FAAP20: variants seen among roughly 807,000 people sequenced by gnomAD.
The protein encoded by FAAP20 is FA core complex associated protein 20.
A neutral mutation model predicts 16.2 loss-of-function variants in FAAP20; 12 were observed. That is an observed-to-expected ratio of 0.74 (90% CI 0.48 to 1.20). The LOEUF (loss-of-function observed/expected upper bound fraction) is 1.20, where lower values mean the gene tolerates loss of function less well. Ranked by LOEUF, FAAP20 falls within the 50% of genes most tolerant of loss-of-function variation. FAAP20 has a pLI of 0.00. For synonymous variants in FAAP20, 141 were observed against 110.7 expected (o/e 1.27, Z -1.72); for missense variants, 288 against 245.8 (o/e 1.17, Z -1.15).
At chr1:2,199,111 C>T (rs1182776768), upstream of FAAP20, 2 of 1,188,098 alleles carry the variant, frequency 1.7e-6, no homozygotes, top group African/African-American at 1.6e-5. The surrounding 1 kb of genome is among the most constrained non-coding windows in gnomAD (Gnocchi z 4.5). Flanking sequence ...CCAGGAGCAG[C>T]TGGGGAGGGC....
At chr1:2,184,865 C>T (rs1687333940), downstream of FAAP20, 1 of 1,498,690 alleles carries the variant, frequency 6.7e-7, no homozygotes. Context: ...GACTCCGCTT[C>T]CCCCAAGGGA....
At chr1:2,195,721 G>A (rs1411312618), upstream of FAAP20, among the ~76,000 whole-genome samples, 4 of 152,202 alleles carry the variant, frequency 2.6e-5, no homozygotes, top group African/African-American at 4.8e-5. Flanking sequence ...CAGGCCACCC[G>A]AGTGGCCCAC....
chr1:2,186,051 A>G (rs1339225698), downstream of FAAP20: 2 of 453,048 alleles, frequency 4.4e-6, no homozygotes, highest in South Asian at 3.1e-5. Context: ...TCCTAGAGGC[A>G]GGGCTGCCAG....
At chr1:2,195,030 T>G (rs1445632508), upstream of FAAP20, among the ~76,000 whole-genome samples, 1 of 150,316 alleles carries the variant, frequency 6.7e-6, no homozygotes, top group Non-Finnish European at 1.5e-5. Flanking sequence ...CGGAGCCCCC[T>G]CCGTTACCCC....
chr1:2,209,889 C>T (rs1204815244), downstream of FAAP20, among the ~76,000 whole-genome samples: 7 of 152,220 alleles, frequency 4.6e-5, no homozygotes, highest in African/African-American at 1.2e-4. Flanking sequence ...CTTCAGTGGA[C>T]GCACATCCCT....
downstream of FAAP20, chr1:2,185,136 C>T (rs948729502): frequency 2.8e-5 from 26 of 930,864 alleles, 1 homozygote; most frequent in Middle Eastern, 2.2e-4. Flanking sequence ...GCGCCGAGAC[C>T]GCAGAGGGAA....
chr1:2,188,023 G>C (rs1687771540), downstream of FAAP20, among the ~76,000 whole-genome samples: 1 of 152,224 alleles, frequency 6.6e-6, no homozygotes, highest in Non-Finnish European at 1.5e-5. Flanking sequence ...CTTTCCCTTA[G>C]TGATCTGCAT....
At chr1:2,190,485 C>A in intron 3 of FAAP20, 1 of 444,480 alleles carries the variant, frequency 2.2e-6, no homozygotes, top group Non-Finnish European at 4.6e-6. Context: ...CCTTCTATCC[C>A]CGGCCTCATG....
chr1:2,199,471 CT>C (rs568296856), upstream of FAAP20: 1,127 of 997,870 alleles, frequency 1.1e-3, 15 homozygotes, highest in African/African-American at 0.018. This position sits in a 1 kb window ranked among gnomAD's most constrained non-coding sequence, Gnocchi z 4.5. Flanking sequence ...AGCTCAGATG[CT>C]GATTGGTCTA....
chr1:2,191,836 A>C, intron 3 of FAAP20: 1 of 985,416 alleles, frequency 1.0e-6, no homozygotes, highest in Non-Finnish European at 1.2e-6. Flanking sequence ...ACCCCTCACC[A>C]GGTGCCCAGC....
chr1:2,203,150 C>T (rs1689112659), upstream of FAAP20, among the ~76,000 whole-genome samples: 1 of 152,180 alleles, frequency 6.6e-6, no homozygotes, highest in African/African-American at 2.4e-5. Context: ...GTCCCGAGGC[C>T]CCAGGAAGCT....
intron 3 of FAAP20, chr1:2,192,762 C>T (rs774561727): frequency 8.3e-6 from 9 of 1,089,480 alleles, no homozygotes; most frequent in Admixed American, 7.3e-5. Flanking sequence ...CACAGGCACG[C>T]GCCACCACGC....
chr1:2,205,361 CTG>C (rs1274358291), intron 3 of FAAP20, among the ~76,000 whole-genome samples: 1 of 147,244 alleles, frequency 6.8e-6, no homozygotes. Flanking sequence ...CCCGCCCCAG[CTG>C]TGTCCTCGGC....
upstream of FAAP20, among the ~76,000 whole-genome samples, chr1:2,195,378 C>A (rs1425995913): frequency 4.6e-5 from 7 of 152,248 alleles, no homozygotes. Flanking sequence ...GCCGCCCAGG[C>A]ACCCTGGTGC....
chr1:2,198,983 A>G, upstream of FAAP20: 4 of 1,286,336 alleles, frequency 3.1e-6, no homozygotes, highest in Non-Finnish European at 3.0e-6. Context: ...GCTCGGGCCC[A>G]CACATGGGGT....
intron 3 of FAAP20, chr1:2,190,617 C>T (rs896640160): frequency 2.3e-5 from 8 of 352,390 alleles, no homozygotes; most frequent in South Asian, 2.1e-5. Context: ...CCGGAGCTGG[C>T]GTGCTCAGCA....
upstream of FAAP20, among the ~76,000 whole-genome samples, chr1:2,202,301 T>C (rs1689082086): frequency 6.6e-6 from 1 of 152,120 alleles, no homozygotes; most frequent in Admixed American, 6.5e-5. Context: ...CCGGACCCCA[T>C]CACCACGAGC....
chr1:2,199,376 C>A (rs185842711), upstream of FAAP20: 12 of 1,018,198 alleles, frequency 1.2e-5, no homozygotes, highest in South Asian at 3.5e-5. This position sits in a 1 kb window ranked among gnomAD's most constrained non-coding sequence, Gnocchi z 4.5. Context: ...GACGTCCCCC[C>A]GCCCGGAGAA....
At chr1:2,204,358 CAG>C (rs1689157755), upstream of FAAP20, among the ~76,000 whole-genome samples, 1 of 152,278 alleles carries the variant, frequency 6.6e-6, no homozygotes, top group Non-Finnish European at 1.5e-5. Flanking sequence ...TGCGCTTCCT[CAG>C]AGGGATTTGC....
Sources: gnomAD v4.1 joint callset for allele counts (sites outside exome capture counted in the v4.1 genomes callset) on GRCh38, gnomAD v4.1.1 for gene constraint, Gnocchi (gnomAD v3.1) non-coding constraint, MANE v1.5 for transcripts, NCBI Gene and HGNC (gene_info 2026-07-23, HGNC 2026-07-21) for gene names.